MCCC1: variants seen among roughly 807,000 people sequenced by gnomAD.
MCCC1 encodes the protein methylcrotonoyl-CoA carboxylase subunit alpha, mitochondrial.
In MCCC1, 64 loss-of-function variants were observed where a neutral mutation model predicts 83.8. The observed-to-expected ratio is 0.76, with a 90% CI of 0.62 to 0.94. The LOEUF (loss-of-function observed/expected upper bound fraction) is 0.94, where lower values mean the gene tolerates loss of function less well. MCCC1 is among the 40% of genes least tolerant of loss of function. The probability of loss-of-function intolerance (pLI) is 0.00; values close to 1 mark genes in which losing one functional copy is unlikely to be tolerated. For synonymous variants in MCCC1, 322 were observed against 315.4 expected, an observed-to-expected ratio of 1.02 and a Z score of -0.22; for missense variants, 807 against 904.7, an observed-to-expected ratio of 0.89 and a Z score of 1.39.
chr3:183,108,525 TC>T (rs1272403188), intron 1 of MCCC1, among the ~76,000 whole-genome samples: 2 of 152,248 alleles, frequency 1.3e-5, no homozygotes, highest in African/African-American at 4.8e-5. Context: ...TGTTTCATTC[TC>T]CACCACTCCT....
intron 1 of MCCC1, among the ~76,000 whole-genome samples, chr3:183,108,976 GT>G (rs869267325): frequency 6.6e-6 from 1 of 152,016 alleles, no homozygotes; most frequent in Non-Finnish European, 1.5e-5. Context: ...GGTTTGTGGG[GT>G]TTTTTGTTTG....
chr3:183,052,368 G>C, intron 8 of MCCC1, 128 bp from the exon 9 acceptor site: 1 of 771,350 alleles, frequency 1.3e-6, no homozygotes, highest in East Asian at 2.7e-5. Context: ...ATATACAACA[G>C]TTGTCCCATA....
At chr3:183,110,880 A>G (rs1577385821) in intron 1 of MCCC1, among the ~76,000 whole-genome samples, 1 of 152,146 alleles carries the variant, frequency 6.6e-6, no homozygotes, top group African/African-American at 2.4e-5. Flanking sequence ...TCACAGCACC[A>G]TTTATTGAAT....
chr3:183,081,883 C>T (rs1424744951), intron 4 of MCCC1, among the ~76,000 whole-genome samples: 2 of 152,178 alleles, frequency 1.3e-5, no homozygotes, highest in African/African-American at 4.8e-5. Flanking sequence ...CAGGACACAG[C>T]TTGGCTTGCT....
intron 14 of MCCC1, among the ~76,000 whole-genome samples, chr3:183,026,079 G>A (rs1712574717): frequency 1.3e-5 from 2 of 152,164 alleles, no homozygotes; most frequent in African/African-American, 4.8e-5. Context: ...GTATCACTCT[G>A]TCACCCTGGC....
chr3:183,098,167 G>A (rs749811118), intron 1 of MCCC1, among the ~76,000 whole-genome samples: 1 of 152,194 alleles, frequency 6.6e-6, no homozygotes, highest in Non-Finnish European at 1.5e-5. Context: ...CTGACCTCGT[G>A]ATCTGCCCGC....
At chr3:183,075,343 C>T (rs1422257098) in intron 4 of MCCC1, among the ~76,000 whole-genome samples, 3 of 152,138 alleles carry the variant, frequency 2.0e-5, no homozygotes, top group Admixed American at 1.3e-4. Flanking sequence ...AGTGTATAAG[C>T]GTTCCCTTTT....
intron 16 of MCCC1, among the ~76,000 whole-genome samples, chr3:183,021,892 CT>C (rs1245863244): frequency 6.6e-6 from 1 of 152,178 alleles, no homozygotes; most frequent in African/African-American, 2.4e-5. Flanking sequence ...GGGCAGCAGG[CT>C]TCTAACCAAA....
chr3:183,112,067 A>G (rs989266623), intron 1 of MCCC1, among the ~76,000 whole-genome samples: 2 of 152,154 alleles, frequency 1.3e-5, no homozygotes, highest in African/African-American at 4.8e-5. Context: ...TGTAAAATAG[A>G]GCAGGGTTCA....
chr3:183,095,432 T>C (rs981631702), intron 1 of MCCC1, among the ~76,000 whole-genome samples: 2 of 151,984 alleles, frequency 1.3e-5, no homozygotes, highest in Admixed American at 1.3e-4. Flanking sequence ...ACCAGAGAAA[T>C]AAACGGAAGT....
intron 1 of MCCC1, among the ~76,000 whole-genome samples, chr3:183,097,647 G>A (rs1440979507): frequency 6.6e-6 from 1 of 152,132 alleles, no homozygotes; most frequent in Non-Finnish European, 1.5e-5. Context: ...CTCCCACCTT[G>A]GATCCCACAG....
intron 4 of MCCC1, among the ~76,000 whole-genome samples, chr3:183,085,534 TGGGA>T (rs1318274731): frequency 1.4e-5 from 2 of 143,642 alleles, no homozygotes; most frequent in African/African-American, 5.3e-5. Flanking sequence ...GAGGCTGAAG[TGGGA>T]GGATCACTTG....
intron 12 of MCCC1, 102 bp from the exon 13 acceptor site, chr3:183,037,536 T>A: frequency 9.8e-7 from 1 of 1,018,296 alleles, no homozygotes; most frequent in South Asian, 1.4e-5. Context: ...TGTGAACAAC[T>A]CTTAGGAAAA....
chr3:183,052,771 C>T (rs1715083865), intron 8 of MCCC1, among the ~76,000 whole-genome samples: 1 of 140,386 alleles, frequency 7.1e-6, no homozygotes, highest in Admixed American at 7.8e-5. Flanking sequence ...GATCACGCCA[C>T]TGTACTCCAG....
At chr3:183,098,684 G>C (rs1040507074) in intron 1 of MCCC1, 2 of 152,382 alleles carry the variant, frequency 1.3e-5, no homozygotes, top group South Asian at 2.1e-4. Flanking sequence ...CCAAAGCTTA[G>C]AGCTCAAAAT....
chr3:183,020,160 G>C lies in MCCC1; in HGVS notation c.1947C>G (p.Pro649=). The C allele has an allele frequency of 6.2e-7, 1 of 1,614,060 alleles. No homozygotes were observed. Among genetic ancestry groups the C allele is most frequent in the Non-Finnish European group, 8.5e-7 (1 of 1,179,950 alleles). The change falls in exon 17 of 19, where the codon CCC becomes CCG. Residue 649 remains proline (P), a synonymous_variant. Transcript: ENST00000265594. ...SVSSQETQGG[P]LAPMTGTIEK... ...CAATGGTTCCAGTCATAGGAGCTAAGGGGCCGCCCTGAGTTTCTTGTGAGC... is the reference window on the plus strand; with the variant it reads ...CAATGGTTCCAGTCATAGGAGCTAACGGGCCGCCCTGAGTTTCTTGTGAGC...
chr3:183,052,390 G>C (rs1382435437), intron 8 of MCCC1, 150 bp from the exon 9 acceptor site: 2 of 705,914 alleles, frequency 2.8e-6, no homozygotes, highest in Non-Finnish European at 5.0e-6. Flanking sequence ...GATTATAATG[G>C]AGCTGAAAAA....
At chr3:183,022,838 A>G in intron 15 of MCCC1, 1 of 228,610 alleles carries the variant, frequency 4.4e-6, no homozygotes, top group Non-Finnish European at 8.4e-6. Flanking sequence ...ATATAAAGAT[A>G]GCATTAAAAA....
At chr3:183,047,606 T>TA (rs1300443268) in intron 9 of MCCC1, among the ~76,000 whole-genome samples, 1 of 148,596 alleles carries the variant, frequency 6.7e-6, no homozygotes, top group Non-Finnish European at 1.5e-5. Context: ...AACAGATAGA[T>TA]AATGTAAGCA....
Sources: gnomAD v4.1 joint callset for allele counts (sites outside exome capture counted in the v4.1 genomes callset) on GRCh38, gnomAD v4.1.1 for gene constraint, MANE v1.5 for transcripts, NCBI Gene and HGNC (gene_info 2026-07-23, HGNC 2026-07-21) for gene names.